The following VSTM5 variants were observed in gnomAD, a reference collection of about 807,000 sequenced individuals.
The protein encoded by VSTM5 is V-set and transmembrane domain containing 5.
Under a neutral mutation model 20.3 loss-of-function variants are expected in VSTM5, and 21 were observed. That is an observed-to-expected ratio of 1.03 (90% CI 0.73 to 1.49). The LOEUF is 1.49. Among genes scored for constraint, VSTM5 ranks in the 40% most tolerant of loss-of-function variants. The probability of loss-of-function intolerance (pLI) is 0.00; values close to 1 mark genes in which losing one functional copy is unlikely to be tolerated. For missense variants in VSTM5, 219 were observed against 250.0 expected (o/e 0.88, Z 0.84); for synonymous variants, 100 against 102.5 (o/e 0.98, Z 0.14).
intron 1 of VSTM5, among the ~76,000 whole-genome samples, chr11:93,823,316 C>T (rs1011793667): frequency 6.6e-6 from 1 of 151,782 alleles, no homozygotes; most frequent in African/African-American, 2.4e-5. Flanking sequence ...CTGTGTCCGG[C>T]CTAGAAAAAC....
chr11:93,833,122 A>G (rs1384188830), intron 1 of VSTM5, among the ~76,000 whole-genome samples: 2 of 152,236 alleles, frequency 1.3e-5, no homozygotes, highest in East Asian at 1.9e-4. Flanking sequence ...AGTACTTAGT[A>G]TGTTATACAG....
chr11:93,845,794 G>A (rs1944407320), intron 1 of VSTM5, among the ~76,000 whole-genome samples: 1 of 152,174 alleles, frequency 6.6e-6, no homozygotes, highest in Non-Finnish European at 1.5e-5. Flanking sequence ...GAGGTATTGT[G>A]CACCTATTTT....
At chr11:93,839,400 G>A (rs1944352191) in intron 1 of VSTM5, among the ~76,000 whole-genome samples, 2 of 152,302 alleles carry the variant, frequency 1.3e-5, no homozygotes, top group African/African-American at 4.8e-5. Context: ...CTCTGCCCCT[G>A]GCAGGTACCT....
intron 1 of VSTM5, among the ~76,000 whole-genome samples, chr11:93,834,800 A>T (rs868636478): frequency 0.041 from 6,195 of 151,182 alleles, 417 homozygotes; most frequent in African/African-American, 0.14. Flanking sequence ...AAAAAAAAAA[A>T]AAATTTAAAA....
intron 3 of VSTM5, 57 bp downstream of exon 3, chr11:93,820,686 C>T: frequency 1.3e-6 from 2 of 1,551,556 alleles, no homozygotes; most frequent in African/African-American, 1.4e-5. Context: ...CAAGATAACA[C>T]ATGCCACCTC....
At chr11:93,832,079 A>G (rs1944287477) in intron 1 of VSTM5, among the ~76,000 whole-genome samples, 1 of 152,216 alleles carries the variant, frequency 6.6e-6, no homozygotes, top group South Asian at 2.1e-4. Context: ...GGGCACATAG[A>G]TGCAGAGATA....
chr11:93,848,696 C>G (rs1231275004), intron 1 of VSTM5, among the ~76,000 whole-genome samples: 1 of 152,214 alleles, frequency 6.6e-6, no homozygotes, highest in Admixed American at 6.5e-5. Flanking sequence ...TCTGTCTTCT[C>G]CATGACACCT....
At position 93,850,498 on chromosome 11, in the gene VSTM5, C is replaced by G. The variant is rs1944450714; in HGVS notation, c.5G>C (p.Arg2Thr). 5.8e-6 allele frequency: 9 copies of G among 1,549,250 alleles called. No individual in the cohort carries two copies. The highest frequency in any genetic ancestry group is 7.0e-6 in the Non-Finnish European group (8 of 1,146,330). ...CTTCCTCCTCCCGCTGGGCAGAGGCCTCATGGGCGAGCCCGGGGCCTCGCG... is the reference window on the plus strand; with the variant it reads ...CTTCCTCCTCCCGCTGGGCAGAGGCGTCATGGGCGAGCCCGGGGCCTCGCG... The part of the protein sequence containing the change: M[R>T]PLPSGRRKTR... Residue 2 changes from arginine to threonine, a missense_variant, in exon 1 of 4, where the codon AGG (arginine) becomes ACG (threonine). Arg to Thr is a moderately conservative substitution (Grantham distance 71). Transcript: ENST00000409977.
intron 1 of VSTM5, among the ~76,000 whole-genome samples, chr11:93,823,643 A>T (rs1944207983): frequency 6.6e-6 from 1 of 152,136 alleles, no homozygotes; most frequent in Non-Finnish European, 1.5e-5. Context: ...TTGTCTTCCT[A>T]TGTCTAGCTT....
chr11:93,837,206 A>G (rs2135736282), intron 1 of VSTM5, among the ~76,000 whole-genome samples: 1 of 152,086 alleles, frequency 6.6e-6, no homozygotes, highest in African/African-American at 2.4e-5. Context: ...TAATTTTTGT[A>G]TTTTTAGTGG....
intron 1 of VSTM5, among the ~76,000 whole-genome samples, chr11:93,844,651 C>T (rs11826139): frequency 0.1 from 15,333 of 152,186 alleles, 1,342 homozygotes; most frequent in African/African-American, 0.24. Flanking sequence ...CCTCACAGTT[C>T]GCCAGTGCTA....
At chr11:93,845,091 G>A (rs1944403679) in intron 1 of VSTM5, among the ~76,000 whole-genome samples, 1 of 152,206 alleles carries the variant, frequency 6.6e-6, no homozygotes, top group African/African-American at 2.4e-5. Context: ...GACTAATGGA[G>A]GGGAATGGTC....
At chr11:93,831,397 A>C (rs1219815690) in intron 1 of VSTM5, among the ~76,000 whole-genome samples, 1 of 152,184 alleles carries the variant, frequency 6.6e-6, no homozygotes, top group Non-Finnish European at 1.5e-5. Context: ...AATTTGGGAA[A>C]CACAGCTTTG....
intron 1 of VSTM5, among the ~76,000 whole-genome samples, chr11:93,844,627 GAGA>G (rs1944397948): frequency 6.6e-6 from 1 of 152,190 alleles, no homozygotes; most frequent in Non-Finnish European, 1.5e-5. Context: ...GGCCCACAAA[GAGA>G]AGGTGGTTGT....
At chr11:93,832,936 C>T (rs971335476) in intron 1 of VSTM5, among the ~76,000 whole-genome samples, 5 of 152,140 alleles carry the variant, frequency 3.3e-5, no homozygotes, top group Non-Finnish European at 7.4e-5. Context: ...CAGAATAGCA[C>T]ATGGCTCAGT....
chr11:93,840,745 T>A (rs1168137286), intron 1 of VSTM5, among the ~76,000 whole-genome samples: 1 of 152,076 alleles, frequency 6.6e-6, no homozygotes, highest in Non-Finnish European at 1.5e-5. Flanking sequence ...ATCACGGAAC[T>A]AGATTGCAGG....
intron 1 of VSTM5, among the ~76,000 whole-genome samples, chr11:93,835,856 G>T (rs968959937): frequency 8.5e-5 from 13 of 152,214 alleles, no homozygotes; most frequent in African/African-American, 3.1e-4. Flanking sequence ...GAACTCGGTG[G>T]CTGGAGGACA....
At chr11:93,836,104 C>T (rs182690955) in intron 1 of VSTM5, among the ~76,000 whole-genome samples, 100 of 152,284 alleles carry the variant, frequency 6.6e-4, no homozygotes, top group Non-Finnish European at 1.1e-3. Context: ...TCCACTACAT[C>T]CCATCTGTCA....
At chr11:93,842,422 C>G (rs1944377834) in intron 1 of VSTM5, among the ~76,000 whole-genome samples, 1 of 152,252 alleles carries the variant, frequency 6.6e-6, no homozygotes, top group South Asian at 2.1e-4. Context: ...AATCTTCCTA[C>G]CACACCTTTT....
Sources: allele counts gnomAD v4.1 joint callset (sites outside exome capture counted in the v4.1 genomes callset), GRCh38; gene constraint gnomAD v4.1.1; transcripts MANE v1.5; gene names NCBI Gene and HGNC (gene_info 2026-07-23, HGNC 2026-07-21).